The following HPSE2 variants were observed in gnomAD, a reference collection of about 807,000 sequenced individuals.
HPSE2 encodes the protein inactive heparanase-2.
A neutral mutation model predicts 60.5 loss-of-function variants in HPSE2; 38 were observed. The ratio of observed to expected loss-of-function variants is 0.63; its 90% CI spans 0.48 to 0.82. HPSE2 has a LOEUF of 0.82. Among genes scored for constraint, HPSE2 ranks in the 40% least tolerant of loss-of-function variants. The probability of loss-of-function intolerance (pLI) is 0.00; values close to 1 mark genes in which losing one functional copy is unlikely to be tolerated. For missense variants in HPSE2, 713 were observed against 740.4 expected (o/e 0.96, Z 0.43); for synonymous variants, 295 against 293.2 (o/e 1.01, Z -0.06).
intron 3 of HPSE2, among the ~76,000 whole-genome samples, chr10:98,859,169 G>A (rs779563066): frequency 1.1e-4 from 16 of 152,082 alleles, no homozygotes; most frequent in Admixed American, 5.2e-4. Context: ...TTGAAATGCC[G>A]CCATGCTTAT....
At chr10:99,109,652 C>T (rs750940830) in intron 3 of HPSE2, among the ~76,000 whole-genome samples, 2 of 152,146 alleles carry the variant, frequency 1.3e-5, no homozygotes, top group Non-Finnish European at 2.9e-5. Flanking sequence ...ACCAACACTC[C>T]AGAATGCGCT....
chr10:98,513,782 T>A (rs1275832832), intron 9 of HPSE2, among the ~76,000 whole-genome samples: 2 of 152,224 alleles, frequency 1.3e-5, no homozygotes, highest in Admixed American at 1.3e-4. Context: ...CAGTGAAACA[T>A]TTCCTAGTGT....
intron 2 of HPSE2, among the ~76,000 whole-genome samples, chr10:99,151,577 C>A: frequency 6.6e-6 from 1 of 151,864 alleles, no homozygotes; most frequent in South Asian, 2.1e-4. Flanking sequence ...ATGTTAAAAG[C>A]CCAAGATAAA....
In HPSE2 at chr10:98,489,986, G is replaced by C. The variant is rs1941582604; in HGVS notation, c.1466+65C>G. ...AGTGAATGGAGATGAGTCTTGAAGG[G>C]GTCCCAAATGGTATGGGGTGGGAGC... On this transcript the variant is annotated intron_variant, in intron 10 of 11. Transcript: ENST00000370552. 1.9e-6 allele frequency: 3 copies of C among 1,586,696 alleles called. No homozygotes were observed. In the South Asian group the frequency reaches 3.3e-5, roughly 18 times the overall value.
intron 9 of HPSE2, among the ~76,000 whole-genome samples, chr10:98,584,181 G>A (rs908170846): frequency 6.6e-6 from 1 of 152,162 alleles, no homozygotes; most frequent in Non-Finnish European, 1.5e-5. Context: ...AAAGTAGGGG[G>A]TAAAAAGAGT....
chr10:99,253,638 A>G, the HPSE2 span, among the ~76,000 whole-genome samples: 6 of 152,224 alleles, frequency 3.9e-5, no homozygotes, highest in Non-Finnish European at 8.8e-5. Context: ...GCTTCTGCAC[A>G]GCAAAAGAAA....
chr10:98,995,061 C>T (rs2135353822), intron 3 of HPSE2, among the ~76,000 whole-genome samples: 1 of 152,340 alleles, frequency 6.6e-6, no homozygotes, highest in South Asian at 2.1e-4. Context: ...CTTTTCCCAA[C>T]TCTCAGTCTG....
chr10:98,905,930 C>G (rs1413097796), intron 3 of HPSE2, among the ~76,000 whole-genome samples: 1 of 152,206 alleles, frequency 6.6e-6, no homozygotes, highest in South Asian at 2.1e-4. Context: ...CACCAGATCT[C>G]CCTTCAGGAT....
chr10:99,140,234 C>A (rs1029118946), intron 3 of HPSE2, among the ~76,000 whole-genome samples: 9 of 152,142 alleles, frequency 5.9e-5, no homozygotes, highest in African/African-American at 2.2e-4. Context: ...CACAGTAACA[C>A]TATAAAGCCA....
intron 3 of HPSE2, among the ~76,000 whole-genome samples, chr10:99,087,431 T>A (rs1393165205): frequency 6.6e-6 from 1 of 152,202 alleles, no homozygotes; most frequent in African/African-American, 2.4e-5. Flanking sequence ...AGTATTGACG[T>A]CAATGGAAAT....
intron 5 of HPSE2, among the ~76,000 whole-genome samples, chr10:98,713,718 A>G (rs762418195): frequency 6.6e-6 from 1 of 150,902 alleles, no homozygotes; most frequent in Admixed American, 6.6e-5. Context: ...GGAATGTTTT[A>G]TTTTTTTTTC....
chr10:98,470,520 C>T (rs908564476), intron 11 of HPSE2, among the ~76,000 whole-genome samples: 6 of 152,200 alleles, frequency 3.9e-5, no homozygotes, highest in Non-Finnish European at 7.3e-5. Flanking sequence ...GCCCAGGCCC[C>T]ACTATAGGGA....
intron 3 of HPSE2, among the ~76,000 whole-genome samples, chr10:98,817,133 A>G (rs1273550679): frequency 1.3e-5 from 2 of 152,148 alleles, no homozygotes; most frequent in Non-Finnish European, 2.9e-5. Context: ...TGTGCCCACA[A>G]AGGCTTTTAG....
chr10:99,276,196 A>T, the HPSE2 span, among the ~76,000 whole-genome samples: 102 of 152,352 alleles, frequency 6.7e-4, no homozygotes, highest in African/African-American at 2.4e-3. Context: ...TGGAACAACA[A>T]TCATAACAAC....
At chr10:98,987,023 T>G (rs1052034481) in intron 3 of HPSE2, among the ~76,000 whole-genome samples, 2 of 151,828 alleles carry the variant, frequency 1.3e-5, no homozygotes, top group Non-Finnish European at 2.9e-5. Context: ...CCAAAAAAAG[T>G]CCAGGACCAG....
At chr10:98,948,475 A>T (rs886897045) in intron 3 of HPSE2, among the ~76,000 whole-genome samples, 4 of 152,162 alleles carry the variant, frequency 2.6e-5, no homozygotes, top group African/African-American at 9.6e-5. Context: ...AAACGAATTG[A>T]CATTAGACAA....
chr10:98,778,867 C>A (rs573817398), intron 3 of HPSE2, among the ~76,000 whole-genome samples: 1 of 152,054 alleles, frequency 6.6e-6, no homozygotes, highest in South Asian at 2.1e-4. Context: ...TAAATTTTAG[C>A]AAAGAAGAGA....
intron 3 of HPSE2, among the ~76,000 whole-genome samples, chr10:98,895,036 G>A (rs1164459657): frequency 2.6e-5 from 4 of 151,768 alleles, no homozygotes; most frequent in Admixed American, 6.6e-5. Context: ...AAACCAAAAC[G>A]ATTTTTCAAA....
chr10:99,094,671 C>T (rs1456986804), intron 3 of HPSE2, among the ~76,000 whole-genome samples: 1 of 147,960 alleles, frequency 6.8e-6, no homozygotes, highest in Non-Finnish European at 1.5e-5. Flanking sequence ...ATTCTCCTGC[C>T]TCAGCCTCTG....
Sources: gnomAD v4.1 joint callset for allele counts (sites outside exome capture counted in the v4.1 genomes callset) on GRCh38, gnomAD v4.1.1 for gene constraint, MANE v1.5 for transcripts, NCBI Gene and HGNC (gene_info 2026-07-23, HGNC 2026-07-21) for gene names.